The following RBX1 variants were observed in gnomAD, a reference collection of about 807,000 sequenced individuals.
The protein encoded by RBX1 is E3 ubiquitin-protein ligase RBX1.
For synonymous variants in RBX1, 48 were observed against 47.9 expected, an observed-to-expected ratio of 1.00 and a Z score of -0.01; for missense variants, 46 against 141.4, an observed-to-expected ratio of 0.33 and a Z score of 3.42.
At chr22:40,955,155 G>C (rs974571581) in intron 2 of RBX1, among the ~76,000 whole-genome samples, 2 of 152,004 alleles carry the variant, frequency 1.3e-5, no homozygotes, top group Admixed American at 6.6e-5. Context: ...TTTTTGCCTA[G>C]AATATTCTTC....
At chr22:40,965,286 A>G (rs1234802401) in intron 3 of RBX1, among the ~76,000 whole-genome samples, 1 of 151,898 alleles carries the variant, frequency 6.6e-6, no homozygotes, top group East Asian at 1.9e-4. Flanking sequence ...CTGGGTGACA[A>G]AGTGAGACTC....
chr22:40,967,230 T>G (rs73174621), intron 3 of RBX1: 1 of 152,276 alleles, frequency 6.6e-6, no homozygotes, highest in Non-Finnish European at 1.5e-5. Flanking sequence ...TGTCTGTGAA[T>G]AAATCTAGAA....
chr22:40,963,586 A>C (rs1008690954), intron 2 of RBX1, among the ~76,000 whole-genome samples: 2 of 152,092 alleles, frequency 1.3e-5, no homozygotes, highest in African/African-American at 4.8e-5. Context: ...CAGTGAGCCA[A>C]GATTGTGCTA....
rs760321946 is a variant in RBX1, at chr22:40,964,857, G to A, written c.228+740G>A. Among the ~76,000 whole-genome samples, 6 of 152,262 alleles carry A rather than the reference G, an allele frequency of 3.9e-5. No individual in the cohort carries two copies. The East Asian group carries it at 5.8e-4, about 15-fold the overall frequency. ...CTTTGTGACTTACTTGCTAAGTGACGTTAGGCAAGGCATTTAACGTCTCCA... is the reference window on the plus strand; with the variant it reads ...CTTTGTGACTTACTTGCTAAGTGACATTAGGCAAGGCATTTAACGTCTCCA... On this transcript the variant is annotated intron_variant, in intron 3 of 4. Transcript: ENST00000216225.
chr22:40,961,994 A>G (rs1289301703), intron 2 of RBX1, among the ~76,000 whole-genome samples: 1 of 152,100 alleles, frequency 6.6e-6, no homozygotes, highest in East Asian at 1.9e-4. Context: ...CATGTTTGCC[A>G]GGCTGGTCTC....
At chr22:40,952,992 T>C (rs1018961363) in intron 1 of RBX1, among the ~76,000 whole-genome samples, 1 of 127,770 alleles carries the variant, frequency 7.8e-6, no homozygotes, top group African/African-American at 3.7e-5. Context: ...CCTTTTTTTT[T>C]TTTTTTTTTT....
At chr22:40,972,365 A>C (rs1234569117) in intron 4 of RBX1, 111 bp from the exon 5 acceptor site, 1 of 764,154 alleles carries the variant, frequency 1.3e-6, no homozygotes, top group Non-Finnish European at 2.3e-6. Context: ...CCTGGAGCAC[A>C]CTGTGATCAC....
intron 2 of RBX1, among the ~76,000 whole-genome samples, chr22:40,962,583 C>T (rs2058343915): frequency 6.6e-6 from 1 of 150,888 alleles, no homozygotes; most frequent in Non-Finnish European, 1.5e-5. Flanking sequence ...GCAACCTCTG[C>T]CTCCCGGATT....
intron 1 of RBX1, among the ~76,000 whole-genome samples, chr22:40,952,754 C>CT (rs1230478531): frequency 4.6e-5 from 7 of 152,086 alleles, no homozygotes; most frequent in African/African-American, 1.7e-4. Context: ...ATGAAGTAAT[C>CT]TAAGATTTAA....
At chr22:40,954,000 A>C (rs1415908400) in intron 2 of RBX1, among the ~76,000 whole-genome samples, 1 of 152,188 alleles carries the variant, frequency 6.6e-6, no homozygotes, top group Non-Finnish European at 1.5e-5. Flanking sequence ...GGCCAAGCGC[A>C]GTGGCTCATG....
intron 2 of RBX1, among the ~76,000 whole-genome samples, chr22:40,958,145 A>G (rs1382653062): frequency 1.3e-5 from 2 of 151,720 alleles, no homozygotes; most frequent in East Asian, 3.9e-4. Flanking sequence ...TTTTTTGTAG[A>G]GATTGGGTCT....
At chr22:40,969,544 G>T (rs1460153990) in intron 4 of RBX1, among the ~76,000 whole-genome samples, 2 of 152,102 alleles carry the variant, frequency 1.3e-5, no homozygotes, top group Non-Finnish European at 2.9e-5. Flanking sequence ...GAGTCCACTA[G>T]TTCGAGACCA....
At chr22:40,961,609 T>C (rs2058340609) in intron 2 of RBX1, among the ~76,000 whole-genome samples, 2 of 151,708 alleles carry the variant, frequency 1.3e-5, no homozygotes, top group African/African-American at 4.8e-5. Context: ...AGAAACCATG[T>C]TAGCCAGGAT....
chr22:40,957,127 C>T (rs1167103527), intron 2 of RBX1, among the ~76,000 whole-genome samples: 1 of 152,032 alleles, frequency 6.6e-6, no homozygotes, highest in Non-Finnish European at 1.5e-5. Context: ...GCGGGGGGAT[C>T]ATGAGGTCAG....
In RBX1 at chr22:40,967,560, T is replaced by G. The variant is rs989455713; in HGVS notation, c.229-239T>G. The G allele has an allele frequency of 2.2e-4, 92 of 410,186 alleles. No individual in the cohort carries two copies. In the East Asian group the frequency reaches 4.0e-3, roughly 18 times the overall value. The allele number at this position is 410,186 out of a possible 1,614,324, so 25.4% of individuals were successfully genotyped here. A position where few individuals can be genotyped will look rare whatever the true frequency, so the allele number is the denominator to read the frequency against. ...AAGAGAGCTCAGTGCTGGCACATAC[T>G]CCTGTGCTTCCTGAATGATTTCCTT... On this transcript the variant is annotated intron_variant, in intron 3 of 4. Transcript: ENST00000216225.
chr22:40,956,861 C>T (rs1201095758), intron 2 of RBX1, among the ~76,000 whole-genome samples: 1 of 151,160 alleles, frequency 6.6e-6, no homozygotes, highest in Admixed American at 6.6e-5. Context: ...AGGTGAAACC[C>T]CGTCTCCACT....
chr22:40,966,946 C>T (rs1473771303), intron 3 of RBX1: 3 of 152,100 alleles, frequency 2.0e-5, no homozygotes, highest in Non-Finnish European at 2.9e-5. Flanking sequence ...TGTCATGAGC[C>T]CACGCCAAAA....
At chr22:40,961,531 A>G (rs888386785) in intron 2 of RBX1, among the ~76,000 whole-genome samples, 1 of 151,666 alleles carries the variant, frequency 6.6e-6, no homozygotes, top group Non-Finnish European at 1.5e-5. Context: ...CTCCTGCCTC[A>G]GCCTCCTGAG....
At chr22:40,960,362 T>C (rs925247235) in intron 2 of RBX1, among the ~76,000 whole-genome samples, 2 of 151,994 alleles carry the variant, frequency 1.3e-5, no homozygotes, top group African/African-American at 4.8e-5. Context: ...CAGGAAAAGC[T>C]TCAGTCAAGA....
Sources: gnomAD v4.1 joint callset for allele counts (sites outside exome capture counted in the v4.1 genomes callset) on GRCh38, gnomAD v4.1.1 for gene constraint, MANE v1.5 for transcripts, NCBI Gene and HGNC (gene_info 2026-07-23, HGNC 2026-07-21) for gene names.